THUMPD2: variants seen among roughly 807,000 people sequenced by gnomAD.
THUMPD2 encodes the protein THUMP domain 2 tRNA and snRNA guanosine methyltransferase.
Under a neutral mutation model 49.4 loss-of-function variants are expected in THUMPD2, and 56 were observed. The ratio of observed to expected loss-of-function variants is 1.13; its 90% CI spans 0.91 to 1.41. THUMPD2 has a LOEUF of 1.41. Among genes scored for constraint, THUMPD2 ranks in the 40% most tolerant of loss-of-function variants. The pLI is 0.00. For synonymous variants in THUMPD2, 237 were observed against 205.2 expected (o/e 1.15, Z -1.32); for missense variants, 709 against 594.5 (o/e 1.19, Z -2.00).
Position 39,766,103 on chromosome 2 carries a change from T to C in THUMPD2, c.757A>G (p.Ile253Val), listed in dbSNP as rs1399046781. Residue 253 changes from isoleucine (I) to valine (V), a missense_variant, in exon 5 of 10, where the codon ATA (isoleucine) becomes GTA (valine). By Grantham distance (29) the Ile-to-Val change is conservative. Coordinates refer to ENST00000505747, the MANE Select transcript of THUMPD2 (RefSeq NM_025264.5). ...ACAGAGTAAATGTCATTTAGATGTA[T>C]AAAGATCTGAAAGAACAAACACAGA... ...DLRNPQLEIF[I>V]HLNDIYSVVG... 1 of 1,576,678 alleles carries C rather than the reference T, an allele frequency of 6.3e-7. No homozygotes were observed. The highest frequency in any genetic ancestry group is 2.0e-5 in the Admixed American group (1 of 50,574).
intron 4 of THUMPD2, among the ~76,000 whole-genome samples, chr2:39,767,015 G>C (rs754737140): frequency 5.5e-4 from 84 of 152,216 alleles, no homozygotes; most frequent in Admixed American, 4.1e-3. Context: ...ATGTTATTAA[G>C]AATAGCCTCT....
At chr2:39,749,343 T>C (rs1675073340) in intron 8 of THUMPD2, among the ~76,000 whole-genome samples, 1 of 152,228 alleles carries the variant, frequency 6.6e-6, no homozygotes, top group Non-Finnish European at 1.5e-5. Flanking sequence ...ATGATATTGA[T>C]ACAAAACTGG....
intron 8 of THUMPD2, among the ~76,000 whole-genome samples, chr2:39,754,748 G>C (rs553576988): frequency 1.1e-4 from 16 of 152,300 alleles, no homozygotes; most frequent in African/African-American, 3.6e-4. Context: ...ATTAAACAGG[G>C]TACTGTTTTC....
chr2:39,745,000 T>G (rs928059146), intron 8 of THUMPD2, among the ~76,000 whole-genome samples: 1 of 152,164 alleles, frequency 6.6e-6, no homozygotes, highest in Non-Finnish European at 1.5e-5. Flanking sequence ...ACACAATGAT[T>G]ATCACTAAAA....
chr2:39,744,311 G>A (rs989249434), intron 9 of THUMPD2, 59 bp downstream of exon 9: 37 of 951,054 alleles, frequency 3.9e-5, no homozygotes, highest in Non-Finnish European at 5.0e-5. Flanking sequence ...GAGCTATGAT[G>A]TATTTCGGTT....
chr2:39,740,578 G>A (rs1673761677), intron 9 of THUMPD2, among the ~76,000 whole-genome samples: 1 of 151,910 alleles, frequency 6.6e-6, no homozygotes, highest in Non-Finnish European at 1.5e-5. Context: ...GTCCTTCTAG[G>A]CATCTTTCCA....
chr2:39,766,045 T>A lies in THUMPD2; in HGVS notation c.803+12A>T. The A allele has an allele frequency of 6.4e-7, 1 of 1,571,428 alleles. No individual in the cohort carries two copies. Among genetic ancestry groups the A allele is most frequent in the East Asian group, 2.4e-5 (1 of 41,966 alleles). On this transcript the variant is annotated intron_variant, in intron 5 of 9. Transcript: ENST00000505747. ...TGTCTTATGGGACAAACCGGAAGCT[T>A]AGAATATCTACCTGAACACAGGAAT...
intron 2 of THUMPD2, among the ~76,000 whole-genome samples, chr2:39,770,940 C>A (rs1418174083): frequency 6.6e-6 from 1 of 152,042 alleles, no homozygotes; most frequent in African/African-American, 2.4e-5. Context: ...TGTTTTGCTG[C>A]TTTTATCAAG....
chr2:39,756,937 T>A (rs945210924), intron 6 of THUMPD2, among the ~76,000 whole-genome samples: 6 of 131,580 alleles, frequency 4.6e-5, no homozygotes, highest in South Asian at 2.5e-4. Flanking sequence ...ATAATAATAA[T>A]AAATGGTATT....
At chr2:39,744,347 T>A (rs1276841839) in intron 9 of THUMPD2, 23 bp downstream of exon 9, 2 of 1,464,610 alleles carry the variant, frequency 1.4e-6, no homozygotes, top group Non-Finnish European at 1.8e-6. Flanking sequence ...AAAAAAATTA[T>A]GAAAATAAAT....
chr2:39,777,687 CCTAT>C (rs1679301578), intron 1 of THUMPD2, among the ~76,000 whole-genome samples: 1 of 152,138 alleles, frequency 6.6e-6, no homozygotes, highest in Non-Finnish European at 1.5e-5. Flanking sequence ...CATTTCCAGA[CCTAT>C]CTATCTTTCA....
intron 6 of THUMPD2, among the ~76,000 whole-genome samples, chr2:39,757,684 T>A (rs1204187130): frequency 3.3e-5 from 5 of 152,228 alleles, no homozygotes; most frequent in African/African-American, 1.2e-4. Flanking sequence ...CAGGCTGAGG[T>A]AGAGATGTAT....
chr2:39,765,096 T>G (rs1677330098), intron 5 of THUMPD2, among the ~76,000 whole-genome samples: 1 of 152,176 alleles, frequency 6.6e-6, no homozygotes, highest in Non-Finnish European at 1.5e-5. Flanking sequence ...TGAGTTATTT[T>G]ATTTGGTGGT....
chr2:39,767,376 G>A (rs545754334), intron 4 of THUMPD2, among the ~76,000 whole-genome samples: 10 of 151,622 alleles, frequency 6.6e-5, no homozygotes, highest in South Asian at 4.2e-4. Flanking sequence ...AGGCCGAGGC[G>A]GGCGGATCAC....
intron 1 of THUMPD2, among the ~76,000 whole-genome samples, chr2:39,777,183 G>C (rs1309847777): frequency 1.3e-5 from 2 of 152,126 alleles, no homozygotes; most frequent in African/African-American, 4.8e-5. Context: ...CTTTATTTCA[G>C]GGACTGCAGT....
At chr2:39,747,298 C>G (rs1019973063) in intron 8 of THUMPD2, among the ~76,000 whole-genome samples, 4 of 152,138 alleles carry the variant, frequency 2.6e-5, no homozygotes, top group Non-Finnish European at 2.9e-5. Context: ...TTATGACCTT[C>G]TCTCGTTTGG....
At position 39,771,548 on chromosome 2, in the gene THUMPD2, C is replaced by T; in HGVS notation, c.219G>A (p.Leu73=). 6.2e-7 allele frequency: 1 copy of T among 1,607,430 alleles called. No homozygotes were observed. The highest frequency in any genetic ancestry group is 1.7e-4 in the Middle Eastern group (1 of 6,028). The change falls in exon 2 of 10, where the codon CTG becomes CTA. Residue 73 remains leucine, a synonymous_variant. Coordinates refer to ENST00000505747, the MANE Select transcript of THUMPD2 (RefSeq NM_025264.5). ...TAATAAGTGGAAACTGCTTTTTAAT[C>T]AGCAAAAATAATCTTTCTGCAGATT... ...KLKSAERLFL[L]IKKQFPLIIS... is the part of the protein sequence containing the mutation.
chr2:39,778,692 A>T (rs553364740), intron 1 of THUMPD2, among the ~76,000 whole-genome samples: 5 of 152,224 alleles, frequency 3.3e-5, no homozygotes, highest in Admixed American at 6.5e-5. Context: ...TTTAATTCTC[A>T]CAACAATCCT....
At chr2:39,756,837 A>T (rs926591197) in intron 6 of THUMPD2, among the ~76,000 whole-genome samples, 1 of 151,880 alleles carries the variant, frequency 6.6e-6, no homozygotes, top group Admixed American at 6.6e-5. Context: ...TTCTTAGTTA[A>T]TGGTCTTTCT....
Sources: gnomAD v4.1 joint callset for allele counts (sites outside exome capture counted in the v4.1 genomes callset) on GRCh38, gnomAD v4.1.1 for gene constraint, MANE v1.5 for transcripts, NCBI Gene and HGNC (gene_info 2026-07-23, HGNC 2026-07-21) for gene names.